Variants in CYFIP1 observed in about 807,000 individuals in gnomAD.
CYFIP1 encodes cytoplasmic FMR1-interacting protein 1.
CYFIP1 carries 58 observed loss-of-function variants against 163.5 expected under a neutral mutation model. The ratio of observed to expected loss-of-function variants is 0.35; its 90% CI spans 0.29 to 0.44. The LOEUF (loss-of-function observed/expected upper bound fraction) is 0.44. Among genes scored for constraint, CYFIP1 ranks in the 20% least tolerant of loss-of-function variants. The pLI is 1.00. For missense variants in CYFIP1, 1,338 were observed against 1,653.8 expected, an observed-to-expected ratio of 0.81 and a Z score of 3.31; for synonymous variants, 663 against 660.7, an observed-to-expected ratio of 1.00 and a Z score of -0.05.
rs531914916 is a variant in CYFIP1 at position 22,979,783 on chromosome 15, G to GACCAGGCTCCCTCCGCTCCTCAC, written c.-7+481_-7+503dup. 3.0e-4 allele frequency among the ~76,000 whole-genome samples: 45 copies of GACCAGGCTCCCTCCGCTCCTCAC among 152,314 alleles called. No individual in the cohort carries two copies. In the South Asian group the frequency reaches 6.0e-3, roughly 20 times the overall value. ...CAAGAATGCCCGGAATGGCTCCGCG[G>GACCAGGCTCCCTCCGCTCCTCAC]ACCAGGCTCCCTCCGCTCCTCACAG... On this transcript the variant is annotated intron_variant, in intron 1 of 30. Coordinates refer to ENST00000617928, the MANE Select transcript of CYFIP1 (RefSeq NM_014608.6).
At chr15:22,940,693 G>A (rs1040476109) in intron 6 of CYFIP1, among the ~76,000 whole-genome samples, 6 of 152,194 alleles carry the variant, frequency 3.9e-5, no homozygotes, top group Non-Finnish European at 7.4e-5. Flanking sequence ...TTAAATAATT[G>A]CATACAGTTA....
chr15:22,929,873 T>C (rs1192504815), intron 11 of CYFIP1, among the ~76,000 whole-genome samples: 1 of 148,566 alleles, frequency 6.7e-6, no homozygotes, highest in Non-Finnish European at 1.5e-5. Flanking sequence ...GAGGCGGAGC[T>C]TGCAGTGAGC....
rs1347848184 is a variant in CYFIP1 at position 22,947,111 on chromosome 15, A to G, written c.118-19T>C. The G allele has an allele frequency of 6.2e-7, 1 of 1,614,156 alleles. No individual in the cohort carries two copies. The highest frequency in any genetic ancestry group is 8.5e-7 in the Non-Finnish European group (1 of 1,179,984). The stretch of plus-strand genomic sequence containing the variant: ...AATTTGGCTGAAGGAAAGGAAGAGA[A>G]AAACATCATGTGGGGTCGGAGCACA... On this transcript the variant is annotated intron_variant, in intron 2 of 30. Coordinates refer to ENST00000617928, the MANE Select transcript of CYFIP1 (RefSeq NM_014608.6).
chr15:22,974,179 A>G (rs374174220), intron 1 of CYFIP1, among the ~76,000 whole-genome samples: 1 of 152,186 alleles, frequency 6.6e-6, no homozygotes, highest in Non-Finnish European at 1.5e-5. Context: ...TGTTGGGTAT[A>G]TATCTAAAAG....
chr15:22,945,681 C>A (rs1278588173), intron 3 of CYFIP1, among the ~76,000 whole-genome samples: 1 of 151,480 alleles, frequency 6.6e-6, no homozygotes, highest in African/African-American at 2.4e-5. Context: ...TCAAGCAATT[C>A]TCTTGCCTCA....
At chr15:22,979,659 G>T (rs1213878535) in intron 1 of CYFIP1, among the ~76,000 whole-genome samples, 1 of 152,144 alleles carries the variant, frequency 6.6e-6, no homozygotes, top group Admixed American at 6.5e-5. Flanking sequence ...TTAAGCTCAC[G>T]CATTTCAGCC....
chr15:22,902,866 G>C (rs1462183338), intron 22 of CYFIP1, among the ~76,000 whole-genome samples: 1 of 152,194 alleles, frequency 6.6e-6, no homozygotes, highest in African/African-American at 2.4e-5. Context: ...TGGGCCGTGG[G>C]GCAGCTGCGC....
At position 22,869,967 on chromosome 15, in the gene CYFIP1, A is replaced by C. The variant is rs2059377235; in HGVS notation, c.*61T>G. 1 of 1,457,476 alleles carries C rather than the reference A, an allele frequency of 6.9e-7. No individual in the cohort carries two copies. The allele number at this position is 1,457,476 out of a possible 1,614,324, so 90.3% of individuals were successfully genotyped here. A position where few individuals can be genotyped will look rare whatever the true frequency, so the allele number is the denominator to read the frequency against. On this transcript the variant is annotated 3_prime_UTR_variant, in exon 31 of 31. Coordinates refer to ENST00000617928, the MANE Select transcript of CYFIP1 (RefSeq NM_014608.6). ...CTGAAAAATAGTCCCTAAAAATCTC[A>C]CTAAATAGTTTACGGAGAGAAAGGC...
At chr15:22,949,933 T>C (rs1431490971) in intron 1 of CYFIP1, among the ~76,000 whole-genome samples, 1 of 151,844 alleles carries the variant, frequency 6.6e-6, no homozygotes. Context: ...GTTCAAGGCC[T>C]GTCTGGGCAA....
Position 22,872,895 on chromosome 15 carries a change from A to C in CYFIP1, c.3527T>G (p.Val1176Gly), listed in dbSNP as rs1281131751. The C allele has an allele frequency of 2.5e-6, 4 of 1,614,134 alleles. No individual in the cohort carries two copies. The highest frequency in any genetic ancestry group is 3.4e-6 in the Non-Finnish European group (4 of 1,179,978). The change falls in exon 30 of 31, where the codon GTG becomes GGG. Residue 1176 changes from valine (V) to glycine (G), a missense_variant. Physicochemically the swap from Val to Gly is moderately radical, Grantham distance 109 (BLOSUM62 -3). Transcript: ENST00000617928. ...VLLGQQRRFA[V>G]LDFCYHLLKV... Reference sequence around the variant, plus strand: ...AAGTAGATGGTAGCAGAAATCCAGCACAGCAAAACGCCGCTGCTGCCCAAG... The same window carrying C: ...AAGTAGATGGTAGCAGAAATCCAGCCCAGCAAAACGCCGCTGCTGCCCAAG...
rs1044660844 is a variant in CYFIP1 at position 22,947,220 on chromosome 15, C to G, written c.66G>C (p.Leu22=). ...GCTCGATGCAGGGCTGCTGGTCGGG[C>G]AGGGGCAGCTCCTCCAGGAGGTCCA... ...SNVDLLEELP[L]PDQQPCIEPP... The change falls in exon 2 of 31, where the codon CTG becomes CTC. Residue 22 remains leucine, a synonymous_variant. Coordinates refer to ENST00000617928, the MANE Select transcript of CYFIP1 (RefSeq NM_014608.6). The G allele has an allele frequency of 6.2e-7, 1 of 1,613,964 alleles. No homozygotes were observed. The highest frequency in any genetic ancestry group is 1.1e-5 in the South Asian group (1 of 91,076).
intron 6 of CYFIP1, among the ~76,000 whole-genome samples, chr15:22,942,502 G>C (rs534673498): frequency 6.6e-6 from 1 of 150,966 alleles, no homozygotes; most frequent in Non-Finnish European, 1.5e-5. Flanking sequence ...GCAGCGCGCC[G>C]AGTGTCACCA....
intron 8 of CYFIP1, among the ~76,000 whole-genome samples, chr15:22,938,310 T>C (rs2061779548): frequency 6.6e-6 from 1 of 152,224 alleles, no homozygotes; most frequent in Non-Finnish European, 1.5e-5. Context: ...GGATAACTTC[T>C]GTCACAAAGC....
At chr15:22,892,167 C>T (rs908198360) in intron 23 of CYFIP1, among the ~76,000 whole-genome samples, 2 of 152,250 alleles carry the variant, frequency 1.3e-5, no homozygotes, top group Non-Finnish European at 1.5e-5. Flanking sequence ...TCCCCAGCTC[C>T]GCTGAGGCTG....
rs2062885341 is a variant in CYFIP1, at chr15:22,965,896, A to G, written c.-7+14391T>C. On this transcript the variant is annotated intron_variant, in intron 1 of 30. Coordinates refer to ENST00000617928, the MANE Select transcript of CYFIP1 (RefSeq NM_014608.6). ...ATAATGAAGAGCCCACGTTTTAACAAAACAAACTGTTATGGGCTGAACTGT... is the reference window on the plus strand; with the variant it reads ...ATAATGAAGAGCCCACGTTTTAACAGAACAAACTGTTATGGGCTGAACTGT... 2.0e-5 allele frequency among the ~76,000 whole-genome samples: 3 copies of G among 152,284 alleles called. No individual in the cohort carries two copies. In the South Asian group the frequency reaches 6.2e-4, roughly 32 times the overall value.
At position 22,943,231 on chromosome 15, in the gene CYFIP1, G is replaced by T; in HGVS notation, c.511C>A (p.Leu171Met). ...LGKFINMFAV[L>M]DELKNMKCSV... is the part of the protein sequence containing the mutation. ...CACTTCATGTTCTTCAGCTCGTCCA[G>T]CACAGCGAACATGTTGATGAATTTG... Residue 171 changes from leucine (L) to methionine (M), a missense_variant, in exon 6 of 31, where the codon CTG becomes ATG. Around this residue, in one of 4 missense-constraint regions of CYFIP1, gnomAD observed 186 missense variants for 288.3 expected, o/e 0.65. Coordinates refer to ENST00000617928, the MANE Select transcript of CYFIP1 (RefSeq NM_014608.6). 1 of 1,614,226 alleles carries T rather than the reference G, an allele frequency of 6.2e-7. No individual in the cohort carries two copies.
chr15:22,918,246 CGCACGG>C (rs1265966052), intron 14 of CYFIP1, among the ~76,000 whole-genome samples: 4 of 152,172 alleles, frequency 2.6e-5, no homozygotes, highest in Non-Finnish European at 4.4e-5. Context: ...ACACAGCCTC[CGCACGG>C]AGCAGAGCTG....
At chr15:22,884,928 T>A (rs1428620038) in intron 23 of CYFIP1, among the ~76,000 whole-genome samples, 1 of 123,332 alleles carries the variant, frequency 8.1e-6, no homozygotes, top group Non-Finnish European at 1.6e-5. Flanking sequence ...GAAGCAGGGA[T>A]GCAGGGCACC....
In CYFIP1 at chr15:22,872,841, TC is replaced by T; in HGVS notation, c.3580del (p.Glu1194ArgfsTer8). 1 of 1,614,068 alleles carries T rather than the reference TC, an allele frequency of 6.2e-7. No homozygotes were observed. The highest frequency in any genetic ancestry group is 8.5e-7 in the Non-Finnish European group (1 of 1,179,974). ...TCCACATACCACATTTTTAATAATC[TC>T]ATCTTTGCCATCATGTTTCTGGACT... ...LKVQKHDGKD[E>X]IIKNVPLKKM... On this transcript the variant is annotated frameshift_variant, in exon 30 of 31. Coordinates refer to ENST00000617928, the MANE Select transcript of CYFIP1 (RefSeq NM_014608.6). LOFTEE classifies it high-confidence loss of function.
Sources: allele counts gnomAD v4.1 joint callset (sites outside exome capture counted in the v4.1 genomes callset), GRCh38; gene constraint gnomAD v4.1.1; regional missense constraint gnomAD v4.1.1; transcripts MANE v1.5; gene names NCBI Gene and HGNC (gene_info 2026-07-23, HGNC 2026-07-21).